The following CNTN3 variants were observed in gnomAD, a reference collection of about 807,000 sequenced individuals.
CNTN3 encodes the protein contactin-3.
In CNTN3, 60 loss-of-function variants were observed where a neutral mutation model predicts 119.1. The observed-to-expected ratio is 0.50, with a 90% CI of 0.41 to 0.62. The LOEUF (loss-of-function observed/expected upper bound fraction) is 0.62, where lower values mean the gene tolerates loss of function less well. Ranked by LOEUF, CNTN3 falls within the 20% of genes least tolerant of loss-of-function variation. The probability of loss-of-function intolerance (pLI) is 0.00; values close to 1 mark genes in which losing one functional copy is unlikely to be tolerated. For synonymous variants in CNTN3, 450 were observed against 438.7 expected (o/e 1.03, Z -0.32); for missense variants, 1,101 against 1,242.4 (o/e 0.89, Z 1.71).
In CNTN3 at chr3:74,302,581, C is replaced by A; in HGVS notation, c.1786+109G>T. On this transcript the variant is annotated intron_variant, in intron 14 of 22. Transcript: ENST00000263665. ...TGTGGTCTATGAGGGGGGATGAAAT[C>A]AATATTATAACTCGTATGCTCACAT... 3 of 675,096 alleles carry A rather than the reference C, an allele frequency of 4.4e-6. No homozygotes were observed. In the South Asian group the frequency reaches 6.2e-5, roughly 14 times the overall value. 41.8% of individuals were successfully genotyped at this position (675,096 alleles called of 1,614,324 possible). A position where few individuals can be genotyped will look rare whatever the true frequency, so the allele number is the denominator to read the frequency against.
intron 8 of CNTN3, among the ~76,000 whole-genome samples, chr3:74,365,982 A>G (rs988547637): frequency 6.6e-6 from 1 of 152,130 alleles, no homozygotes; most frequent in African/African-American, 2.4e-5. Context: ...GCACTGTACT[A>G]TATTATTTAG....
intron 5 of CNTN3, among the ~76,000 whole-genome samples, chr3:74,422,307 C>T (rs1459937158): frequency 3.3e-5 from 5 of 152,154 alleles, no homozygotes; most frequent in Admixed American, 1.3e-4. Flanking sequence ...ATGTTATTTG[C>T]TCTCCTATGC....
rs567571527 is a variant in CNTN3 at position 74,412,172 on chromosome 3, A to G, written c.454+12673T>C. Among the ~76,000 whole-genome samples, 3 of 152,308 alleles carry G rather than the reference A, an allele frequency of 2.0e-5. No individual in the cohort carries two copies. In the South Asian group the frequency reaches 6.2e-4, roughly 32 times the overall value. ...TGATCTTTCAAATTCACCTTCTTCC[A>G]GGTAAAATCGATCTGAAATATTACA... On this transcript the variant is annotated intron_variant, in intron 5 of 22. Transcript: ENST00000263665.
intron 8 of CNTN3, among the ~76,000 whole-genome samples, chr3:74,366,410 C>A (rs940669845): frequency 3.9e-5 from 6 of 152,040 alleles, no homozygotes; most frequent in African/African-American, 1.4e-4. Context: ...TTGGAAAATT[C>A]ATTTTACAGA....
intron 20 of CNTN3, 52 bp from the exon 21 acceptor site, chr3:74,267,430 T>C (rs1575686344): frequency 7.8e-7 from 1 of 1,289,858 alleles, no homozygotes; most frequent in East Asian, 2.3e-5. Flanking sequence ...CAAGTGATAT[T>C]TTACACGGAG....
At chr3:74,266,341 C>T (rs1701659385) in intron 22 of CNTN3, 140 bp downstream of exon 22, 2 of 808,758 alleles carry the variant, frequency 2.5e-6, no homozygotes, top group Non-Finnish European at 3.9e-6. Context: ...TTGCCCACGT[C>T]TCACCTGCCA....
intron 5 of CNTN3, among the ~76,000 whole-genome samples, chr3:74,391,613 C>T (rs1236746105): frequency 7.9e-6 from 1 of 125,878 alleles, no homozygotes; most frequent in Non-Finnish European, 1.6e-5. Flanking sequence ...GTCCCCCAGG[C>T]TGGAGTGCAG....
intron 19 of CNTN3, among the ~76,000 whole-genome samples, chr3:74,293,351 C>G (rs1559685652): frequency 6.6e-6 from 1 of 152,116 alleles, no homozygotes; most frequent in African/African-American, 2.4e-5. Context: ...GGAACAGAAA[C>G]TCTTTCAAGG....
rs1487559661 is a variant in CNTN3, at chr3:74,424,825, A to C, written c.454+20T>G. The C allele has an allele frequency of 2.5e-6, 4 of 1,606,216 alleles. No individual in the cohort carries two copies. In the Admixed American group the frequency reaches 6.7e-5, roughly 27 times the overall value. On this transcript the variant is annotated intron_variant, in intron 5 of 22. Transcript: ENST00000263665. ...CTGAACCTTAATAAATATGAAAAGC[A>C]GAAACAGAGCATGACTTACCTCCAG...
chr3:74,505,519 A>ACACACACAC (rs1553674654), intron 2 of CNTN3, among the ~76,000 whole-genome samples: 3 of 151,494 alleles, frequency 2.0e-5, no homozygotes, highest in Admixed American at 6.6e-5. Context: ...ACACACACAC[A>ACACACACAC]CACACCACAC....
intron 11 of CNTN3, among the ~76,000 whole-genome samples, chr3:74,351,774 A>C (rs1264124237): frequency 6.6e-6 from 1 of 152,170 alleles, no homozygotes; most frequent in East Asian, 1.9e-4. Flanking sequence ...GGAGGTGATT[A>C]TCACACCATG....
chr3:74,290,511 C>T (rs1372323628), intron 19 of CNTN3, among the ~76,000 whole-genome samples: 3 of 152,144 alleles, frequency 2.0e-5, no homozygotes, highest in Non-Finnish European at 4.4e-5. Flanking sequence ...GCACTCTGTT[C>T]GGTTTGGAAT....
In CNTN3 at chr3:74,321,380, C is replaced by G. The variant is rs938481295; in HGVS notation, c.1668+13355G>C. On this transcript the variant is annotated intron_variant, in intron 13 of 22. Coordinates refer to ENST00000263665, the MANE Select transcript of CNTN3 (RefSeq NM_020872.3). ...TTTGAACTAAACAAAAACAGAAATA[C>G]AACATCATAATTTGTAGAATATAGT... is the stretch of plus-strand genomic sequence containing the variant. 3.9e-5 allele frequency among the ~76,000 whole-genome samples: 6 copies of G among 152,022 alleles called. No homozygotes were observed. The East Asian group carries it at 1.2e-3, about 29-fold the overall frequency.
intron 4 of CNTN3, among the ~76,000 whole-genome samples, chr3:74,460,196 C>T (rs1422516829): frequency 1.3e-5 from 2 of 152,008 alleles, no homozygotes. Context: ...TCAAGTGATT[C>T]TTCACATTTT....
chr3:74,492,758 C>T (rs1470346215), intron 3 of CNTN3, among the ~76,000 whole-genome samples: 1 of 151,872 alleles, frequency 6.6e-6, no homozygotes, highest in Non-Finnish European at 1.5e-5. Flanking sequence ...AGAAAGAAAA[C>T]GAATGTGTGT....
At chr3:74,595,073 C>T (rs993245731) in intron 1 of CNTN3, among the ~76,000 whole-genome samples, 29 of 151,974 alleles carry the variant, frequency 1.9e-4, no homozygotes, top group African/African-American at 6.3e-4. Flanking sequence ...TTTCATGTGT[C>T]TTTTGGCTGC....
At chr3:74,352,522 AATCGT>A (rs1163693091) in intron 11 of CNTN3, among the ~76,000 whole-genome samples, 15 of 152,276 alleles carry the variant, frequency 9.9e-5, no homozygotes, top group African/African-American at 3.6e-4. Flanking sequence ...TGGTCACCTT[AATCGT>A]ATAGTCTATT....
intron 5 of CNTN3, among the ~76,000 whole-genome samples, chr3:74,381,624 T>C (rs1196333827): frequency 6.6e-6 from 1 of 152,172 alleles, no homozygotes; most frequent in African/African-American, 2.4e-5. Flanking sequence ...TATATGTTTA[T>C]ACATACATTT....
At chr3:74,287,717 G>A (rs1702141638) in intron 19 of CNTN3, among the ~76,000 whole-genome samples, 1 of 152,170 alleles carries the variant, frequency 6.6e-6, no homozygotes, top group African/African-American at 2.4e-5. Flanking sequence ...GCTTCTCGCT[G>A]GGTGTAGGTA....
Sources: allele counts gnomAD v4.1 joint callset (sites outside exome capture counted in the v4.1 genomes callset), GRCh38; gene constraint gnomAD v4.1.1; transcripts MANE v1.5; gene names NCBI Gene and HGNC (gene_info 2026-07-23, HGNC 2026-07-21).